Variants in CSMD1 observed in about 807,000 individuals in gnomAD.
CSMD1 encodes CUB and sushi domain-containing protein 1.
Under a neutral mutation model 417.5 loss-of-function variants are expected in CSMD1, and 213 were observed. The ratio of observed to expected loss-of-function variants is 0.51; its 90% CI spans 0.46 to 0.57. CSMD1 has a LOEUF of 0.57. Among genes scored for constraint, CSMD1 ranks in the 20% least tolerant of loss-of-function variants. CSMD1 has a pLI of 0.00. For synonymous variants in CSMD1, 2,862 were observed against 1,736.8 expected (o/e 1.65, Z -16.11); for missense variants, 6,923 against 4,529.7 (o/e 1.53, Z -15.17).
At chr8:4,886,474 C>A (rs1385015718) in intron 1 of CSMD1, among the ~76,000 whole-genome samples, 2 of 151,928 alleles carry the variant, frequency 1.3e-5, no homozygotes, top group South Asian at 2.1e-4. Flanking sequence ...TTTATGATGT[C>A]TTTTTAGTTT....
At chr8:4,223,650 C>A (rs1237662136) in intron 3 of CSMD1, among the ~76,000 whole-genome samples, 1 of 152,202 alleles carries the variant, frequency 6.6e-6, no homozygotes, top group South Asian at 2.1e-4. Context: ...GCGAGTTAAA[C>A]CCCAGTCTGT....
intron 30 of CSMD1, among the ~76,000 whole-genome samples, chr8:3,209,331 T>G (rs1563144920): frequency 6.6e-6 from 1 of 152,136 alleles, no homozygotes; most frequent in South Asian, 2.1e-4. Context: ...ATTTATTTAT[T>G]TTTGAGACAG....
intron 1 of CSMD1, among the ~76,000 whole-genome samples, chr8:4,860,712 A>G (rs923567863): frequency 4.6e-5 from 7 of 152,176 alleles, no homozygotes; most frequent in African/African-American, 1.7e-4. Flanking sequence ...AATAAAGACA[A>G]ATACATTTAT....
In CSMD1 at chr8:3,759,186, T is replaced by C. The variant is rs73188920; in HGVS notation, c.819-5144A>G. On this transcript the variant is annotated intron_variant, in intron 5 of 69. Coordinates refer to ENST00000635120, the MANE Select transcript of CSMD1 (RefSeq NM_033225.6). The stretch of plus-strand genomic sequence containing the variant: ...TGGTGGCAAGAGAAAGCAAATCTCT[T>C]GTTGAGATGTATACATTAAATATGT... Among the ~76,000 whole-genome samples, 177 of 152,342 alleles carry C rather than the reference T, an allele frequency of 1.2e-3. 1 individual carries two copies. Among genetic ancestry groups the C allele is most frequent in the Non-Finnish European group, 1.7e-3 (115 of 68,032 alleles).
At chr8:4,446,733 C>CTG (rs758084825) in intron 2 of CSMD1, among the ~76,000 whole-genome samples, 9,592 of 133,506 alleles carry the variant, frequency 0.072, 470 homozygotes, top group Non-Finnish European at 0.098. Flanking sequence ...GTGTGTGTGT[C>CTG]TGTGTGTGTG....
At chr8:3,547,823 T>G (rs1022360005) in intron 10 of CSMD1, among the ~76,000 whole-genome samples, 3 of 152,200 alleles carry the variant, frequency 2.0e-5, no homozygotes, top group African/African-American at 4.8e-5. Context: ...ATTAAAGACA[T>G]GCAAACAAAG....
intron 3 of CSMD1, among the ~76,000 whole-genome samples, chr8:4,367,980 A>G (rs113388886): frequency 1.3e-4 from 20 of 152,098 alleles, no homozygotes; most frequent in African/African-American, 4.8e-4. Context: ...CTAGGTATAG[A>G]GTTACATTGT....
At chr8:4,816,690 A>T (rs1351039680) in intron 1 of CSMD1, among the ~76,000 whole-genome samples, 3 of 152,188 alleles carry the variant, frequency 2.0e-5, no homozygotes, top group Admixed American at 1.3e-4. Flanking sequence ...AGCAGGACTT[A>T]AACTTCTACA....
chr8:3,733,598 C>T (rs772353003), intron 6 of CSMD1, among the ~76,000 whole-genome samples: 6 of 152,086 alleles, frequency 3.9e-5, no homozygotes, highest in Admixed American at 2.0e-4. Context: ...AACCCTGCAC[C>T]GCCCTGCTGC....
chr8:2,977,400 G>A (rs1422356058), intron 55 of CSMD1, among the ~76,000 whole-genome samples: 1 of 152,150 alleles, frequency 6.6e-6, no homozygotes, highest in Non-Finnish European at 1.5e-5. Flanking sequence ...TGGCTTCCAA[G>A]CTCCATCCAT....
chr8:4,002,685 C>A (rs1230041984), intron 4 of CSMD1, among the ~76,000 whole-genome samples: 1 of 152,166 alleles, frequency 6.6e-6, no homozygotes, highest in East Asian at 1.9e-4. Context: ...ACCATTATCC[C>A]TGCAGTGTGG....
At chr8:3,281,257 G>A (rs1016699940) in intron 26 of CSMD1, among the ~76,000 whole-genome samples, 2 of 152,066 alleles carry the variant, frequency 1.3e-5, no homozygotes, top group Admixed American at 1.3e-4. Context: ...AGCCTGGACA[G>A]GATAATGAAA....
intron 11 of CSMD1, among the ~76,000 whole-genome samples, chr8:3,482,690 C>T (rs561909902): frequency 3.9e-4 from 59 of 152,150 alleles, no homozygotes; most frequent in African/African-American, 1.4e-3. Flanking sequence ...TTTTCAAAGC[C>T]CTATGAAAAG....
chr8:3,625,169 C>A (rs1474179046), intron 7 of CSMD1, among the ~76,000 whole-genome samples: 1 of 151,836 alleles, frequency 6.6e-6, no homozygotes, highest in Non-Finnish European at 1.5e-5. Flanking sequence ...TTTACAAGTT[C>A]TATATAAACA....
chr8:4,435,574 C>CT (rs1335083030), intron 2 of CSMD1, among the ~76,000 whole-genome samples: 1 of 152,202 alleles, frequency 6.6e-6, no homozygotes, highest in Admixed American at 6.5e-5. Context: ...GTCATGCTCC[C>CT]TTCCAGGAAT....
chr8:3,279,284 C>G (rs546151882), intron 26 of CSMD1: 6 of 152,292 alleles, frequency 3.9e-5, no homozygotes, highest in South Asian at 4.1e-4. Context: ...TCTGGACTCA[C>G]CACACTGAAT....
intron 5 of CSMD1, among the ~76,000 whole-genome samples, chr8:3,754,623 T>A (rs978874717): frequency 6.6e-6 from 1 of 152,084 alleles, no homozygotes; most frequent in Admixed American, 6.5e-5. Flanking sequence ...CCTGGCTACT[T>A]TTTATATTTT....
At chr8:4,948,079 T>A (rs1030025353) in intron 1 of CSMD1, among the ~76,000 whole-genome samples, 4 of 146,110 alleles carry the variant, frequency 2.7e-5, no homozygotes, top group Non-Finnish European at 5.9e-5. Context: ...TTCAAGAACA[T>A]TAATTTTTTT....
chr8:3,925,260 A>C (rs1450043167), intron 5 of CSMD1, among the ~76,000 whole-genome samples: 2 of 152,204 alleles, frequency 1.3e-5, no homozygotes, highest in Non-Finnish European at 1.5e-5. Flanking sequence ...GCATTTGGGG[A>C]ATGTGCTTCA....
Sources: allele counts gnomAD v4.1 joint callset (sites outside exome capture counted in the v4.1 genomes callset), GRCh38; gene constraint gnomAD v4.1.1; transcripts MANE v1.5; gene names NCBI Gene and HGNC (gene_info 2026-07-23, HGNC 2026-07-21).